The following PLCZ1 variants were observed in gnomAD, a reference collection of about 807,000 sequenced individuals.
PLCZ1 encodes the protein phospholipase C zeta 1.
PLCZ1 carries 64 observed loss-of-function variants against 76.8 expected under a neutral mutation model. That is an observed-to-expected ratio of 0.83 (90% CI 0.68 to 1.03). The LOEUF (loss-of-function observed/expected upper bound fraction) is 1.03, where lower values mean the gene tolerates loss of function less well. Ranked by LOEUF, PLCZ1 falls within the 50% of genes least tolerant of loss-of-function variation. The pLI is 0.00. For missense variants in PLCZ1, 751 were observed against 713.7 expected (o/e 1.05, Z -0.60); for synonymous variants, 248 against 230.8 (o/e 1.07, Z -0.68).
chr12:18,699,270 C>G (rs539972036), intron 10 of PLCZ1, among the ~76,000 whole-genome samples: 1 of 152,294 alleles, frequency 6.6e-6, no homozygotes, highest in South Asian at 2.1e-4. Flanking sequence ...ACCCTACCCT[C>G]TTCAATGCCT....
chr12:18,716,006 G>T (rs1957945637), intron 5 of PLCZ1, among the ~76,000 whole-genome samples: 1 of 152,104 alleles, frequency 6.6e-6, no homozygotes, highest in Non-Finnish European at 1.5e-5. Context: ...TCTAAATTCG[G>T]CTACATTTGT....
the PLCZ1 span, among the ~76,000 whole-genome samples, chr12:18,656,420 G>A: frequency 6.6e-6 from 1 of 152,058 alleles, no homozygotes; most frequent in Non-Finnish European, 1.5e-5. Context: ...ACAAAAATTA[G>A]CTGGGCATGG....
intron 6 of PLCZ1, among the ~76,000 whole-genome samples, chr12:18,710,412 G>A (rs956603115): frequency 1.3e-5 from 2 of 151,966 alleles, no homozygotes; most frequent in Non-Finnish European, 2.9e-5. Context: ...ATGGCCAAGT[G>A]AACAGGGATG....
chr12:18,665,290 A>C, the PLCZ1 span, among the ~76,000 whole-genome samples: 1 of 152,122 alleles, frequency 6.6e-6, no homozygotes, highest in Non-Finnish European at 1.5e-5. Flanking sequence ...AGATGGAAAG[A>C]GTTCTGGAGA....
chr12:18,667,456 C>T, the PLCZ1 span, among the ~76,000 whole-genome samples: 3 of 152,128 alleles, frequency 2.0e-5, no homozygotes, highest in Non-Finnish European at 4.4e-5. Context: ...TCTTTGACAA[C>T]ACTAAGTACT....
chr12:18,657,500 T>C, the PLCZ1 span, among the ~76,000 whole-genome samples: 2 of 152,174 alleles, frequency 1.3e-5, no homozygotes, highest in African/African-American at 4.8e-5. Context: ...AGAGCCCATA[T>C]GCAAAGGCTG....
At chr12:18,694,106 A>G in intron 12 of PLCZ1, 6 of 1,018,852 alleles carry the variant, frequency 5.9e-6, no homozygotes, top group Non-Finnish European at 1.5e-6. Context: ...CTAGTGAACT[A>G]CGGCTGCCAT....
At chr12:18,681,749 G>T (rs1026169887), downstream of PLCZ1, among the ~76,000 whole-genome samples, 3 of 152,004 alleles carry the variant, frequency 2.0e-5, no homozygotes, top group African/African-American at 7.2e-5. Flanking sequence ...CAAAATTAGT[G>T]AGATAAGTTT....
Position 18,684,282 on chromosome 12 carries a change from G to C in PLCZ1, c.1592-3C>G, listed in dbSNP as rs1423019067. 1 of 1,597,802 alleles carries C rather than the reference G, an allele frequency of 6.3e-7. No homozygotes were observed. Among genetic ancestry groups the C allele is most frequent in the Non-Finnish European group, 8.6e-7 (1 of 1,168,332 alleles). On this transcript the variant is annotated splice_region_variant and splice_polypyrimidine_tract_variant and intron_variant, in intron 13 of 14. Transcript: ENST00000266505. The stretch of plus-strand genomic sequence containing the variant: ...TTCATTCCATCTTGGACTAAAAGCT[G>C]AAATATAAAAAAAGAAGATACAAAG...
At chr12:18,683,354 A>G (rs1385861657) in intron 14 of PLCZ1, 30 bp from the exon 15 acceptor site, 1 of 1,600,652 alleles carries the variant, frequency 6.2e-7, no homozygotes, top group African/African-American at 1.3e-5. Flanking sequence ...TAATTAGACC[A>G]ATAACCAATT....
chr12:18,718,226 A>G (rs1307149884), intron 5 of PLCZ1, among the ~76,000 whole-genome samples: 1 of 152,148 alleles, frequency 6.6e-6, no homozygotes, highest in Admixed American at 6.6e-5. Context: ...AAGCATCTGT[A>G]TCTCAAATTC....
In PLCZ1 at chr12:18,722,342, A is replaced by G. The variant is rs1958490858; in HGVS notation, c.367+969T>C. 2.6e-5 allele frequency among the ~76,000 whole-genome samples: 4 copies of G among 152,230 alleles called. No homozygotes were observed. The South Asian group carries it at 6.2e-4, about 24-fold the overall frequency. On this transcript the variant is annotated intron_variant, in intron 4 of 14. Coordinates refer to ENST00000266505, the MANE Select transcript of PLCZ1 (RefSeq NM_033123.4). Reference sequence around the variant, plus strand: ...AGACCTAATTGCCTTATTCTTCACTATATCTTCAGCCCCCAAAACCATACT... The same window carrying G: ...AGACCTAATTGCCTTATTCTTCACTGTATCTTCAGCCCCCAAAACCATACT...
Position 18,693,382 on chromosome 12 carries a change from A to T in PLCZ1, c.1461+1528T>A, listed in dbSNP as rs1263580409. 9 of 1,604,238 alleles carry T rather than the reference A, an allele frequency of 5.6e-6. No homozygotes were observed. In the Admixed American group the frequency reaches 1.5e-4, roughly 27 times the overall value. On this transcript the variant is annotated intron_variant, in intron 12 of 14. Transcript: ENST00000266505. ...ATTCGGGAAATTAAGGAATCTGTGG[A>T]GCTTCCTCTCACCCATCCTGAATAT...
chr12:18,734,507 C>T (rs1030177039), intron 3 of PLCZ1, among the ~76,000 whole-genome samples: 3 of 152,172 alleles, frequency 2.0e-5, no homozygotes, highest in Non-Finnish European at 2.9e-5. Context: ...TGCACTACCA[C>T]GTCTGGCTAA....
intron 5 of PLCZ1, among the ~76,000 whole-genome samples, chr12:18,716,048 C>T (rs1347779988): frequency 1.3e-5 from 2 of 151,964 alleles, no homozygotes; most frequent in East Asian, 1.9e-4. Flanking sequence ...TCTTGGCTTA[C>T]GGATTTATTT....
At chr12:18,701,061 T>C (rs1955839700) in intron 9 of PLCZ1, among the ~76,000 whole-genome samples, 1 of 151,912 alleles carries the variant, frequency 6.6e-6, no homozygotes, top group South Asian at 2.1e-4. Flanking sequence ...CTCGGCTCAC[T>C]GCAACATCCG....
intron 7 of PLCZ1, among the ~76,000 whole-genome samples, 196 bp downstream of exon 7, chr12:18,704,970 T>C (rs570910596): frequency 1.0e-3 from 156 of 152,112 alleles, no homozygotes; most frequent in Non-Finnish European, 1.2e-3. Flanking sequence ...TATATATATA[T>C]AAATTTTAAT....
At position 18,723,444 on chromosome 12, in the gene PLCZ1, G is replaced by T. The variant is rs1277992971; in HGVS notation, c.234C>A (p.Asn78Lys). 3 of 1,612,868 alleles carry T rather than the reference G, an allele frequency of 1.9e-6. No individual in the cohort carries two copies. The highest frequency in any genetic ancestry group is 1.7e-5 in the Admixed American group (1 of 59,838). ...GAATTTTCCGGTTTTCAGAATATGT[G>T]TTGAAAATCTCAATAATTTCTTCTC... ...THREEIIEIF[N>K]TYSENRKILL... is the part of the protein sequence containing the mutation. Residue 78 changes from asparagine (N) to lysine (K), a missense_variant, in exon 4 of 15, where the codon AAC becomes AAA. Coordinates refer to ENST00000266505, the MANE Select transcript of PLCZ1 (RefSeq NM_033123.4).
the PLCZ1 span, among the ~76,000 whole-genome samples, chr12:18,656,749 A>G: frequency 2.0e-5 from 1 of 50,298 alleles, no homozygotes; most frequent in Admixed American, 2.2e-4. Flanking sequence ...AACAGCAACA[A>G]CAACGACAAC....
Sources: allele counts gnomAD v4.1 joint callset (sites outside exome capture counted in the v4.1 genomes callset), GRCh38; gene constraint gnomAD v4.1.1; transcripts MANE v1.5; gene names NCBI Gene and HGNC (gene_info 2026-07-23, HGNC 2026-07-21).